Variants in VEGFD observed in about 807,000 individuals in gnomAD.
VEGFD encodes c-fos induced growth factor (vascular endothelial growth factor D).
In VEGFD, 26 loss-of-function variants were observed where a neutral mutation model predicts 28.0. That is an observed-to-expected ratio of 0.93 (90% confidence interval 0.68 to 1.29). The LOEUF is 1.29. Ranked by LOEUF, VEGFD falls within the 50% of genes most tolerant of loss-of-function variation. The pLI, the probability that VEGFD is intolerant of heterozygous loss-of-function variation, is 0.00. For missense variants in VEGFD, 294 were observed against 273.4 expected, an observed-to-expected ratio of 1.08 and a Z score of -0.53; for synonymous variants, 93 against 95.5, an observed-to-expected ratio of 0.97 and a Z score of 0.15.
intron 5 of VEGFD, among the ~76,000 whole-genome samples, chrX:15,351,963 A>C (rs1208318660): frequency 1.8e-5 from 2 of 112,395 alleles, no homozygotes; most frequent in Non-Finnish European, 3.8e-5. Context: ...TCAGTATAAC[A>C]ACAGGAGTGT....
At chrX:15,376,618 C>T (rs1923444563) in intron 1 of VEGFD, among the ~76,000 whole-genome samples, 1 of 111,738 alleles carries the variant, frequency 8.9e-6, no homozygotes. Context: ...TACCCTCTTT[C>T]ACATTTCTTC....
chrX:15,350,802 TTTC>T (rs1277624633), intron 5 of VEGFD, among the ~76,000 whole-genome samples: 2 of 65,422 alleles, frequency 3.1e-5, no homozygotes, highest in African/African-American at 5.7e-5. Flanking sequence ...TTTTCTTTTC[TTTC>T]TTTCTTTCTC....
Position 15,358,163 on chromosome X carries a change from C to T in VEGFD, c.332G>A (p.Cys111Tyr). ...VIDEEWQRTQCSPRETCVEVA... is the reference protein window; with the variant it reads ...VIDEEWQRTQYSPRETCVEVA... ...CTCCACGCACGTTTCTCTAGGGCTG[C>T]ACTGAGTTCTTTGCCATTCTTCATC... Residue 111 changes from cysteine to tyrosine, a missense_variant, in exon 3 of 7, where the codon TGC (cysteine) becomes TAC (tyrosine). Cys to Tyr is a radical substitution (Grantham distance 194, BLOSUM62 -2). Coordinates refer to ENST00000297904, the MANE Select transcript of VEGFD (RefSeq NM_004469.5). The T allele has an allele frequency of 3.3e-6, 4 of 1,208,537 alleles. No individual in the cohort carries two copies. Among genetic ancestry groups the T allele is most frequent in the Non-Finnish European group, 4.5e-6 (4 of 894,390 alleles).
chrX:15,346,046 TAACAC>T lies in VEGFD; in HGVS notation c.*82_*86del. On this transcript the variant is annotated 3_prime_UTR_variant, in exon 7 of 7. Coordinates refer to ENST00000297904, the MANE Select transcript of VEGFD (RefSeq NM_004469.5). ...TGCTGTGTAAAATGGATTTTTTTTT[TAACAC>T]CTGGGAAAAAAACAGTGACAGCAAC... The T allele has an allele frequency of 1.8e-6, 2 of 1,088,253 alleles. No homozygotes were observed. The highest frequency in any genetic ancestry group is 5.4e-5 in the Admixed American group (2 of 36,836). 89.7% of individuals were successfully genotyped at this position (1,088,253 alleles called of 1,213,427 possible).
chrX:15,382,896 T>A (rs747246072), intron 1 of VEGFD, among the ~76,000 whole-genome samples: 14 of 111,736 alleles, frequency 1.3e-4, no homozygotes, highest in Non-Finnish European at 2.1e-4. Context: ...TTTGAATGTA[T>A]AACGTATTTT....
chrX:15,350,550 A>G (rs890649359), intron 5 of VEGFD, among the ~76,000 whole-genome samples: 2 of 112,280 alleles, frequency 1.8e-5, no homozygotes, highest in African/African-American at 6.5e-5. Flanking sequence ...GATGCCTCTT[A>G]GCAACTGCGC....
rs35997805 is a variant in VEGFD at position 15,351,027 on chromosome X, A to ATTTTTTTTTTT, written c.742+2030_742+2040dup. Among the ~76,000 whole-genome samples the ATTTTTTTTTTT allele has an allele frequency of 2.0e-4, 3 of 14,756 alleles. 1 individual carries two copies. Among genetic ancestry groups the ATTTTTTTTTTT allele is most frequent in the African/African-American group, 5.6e-4 (3 of 5,357 alleles). 12.8% of individuals were successfully genotyped at this position (14,756 alleles called of 115,157 possible). On this transcript the variant is annotated intron_variant, in intron 5 of 6. Transcript: ENST00000297904. The stretch of plus-strand genomic sequence containing the variant: ...CAGGCGCACATCACCATGCCCAGCT[A>ATTTTTTTTTTT]TTTTTTTTTTTTTTTTTTTTTTTTT...
At chrX:15,349,162 A>G (rs1307776317) in intron 5 of VEGFD, among the ~76,000 whole-genome samples, 2 of 112,665 alleles carry the variant, frequency 1.8e-5, no homozygotes, top group Admixed American at 9.4e-5. Flanking sequence ...GCTTTGGGGT[A>G]AGACAAGAGT....
chrX:15,380,601 T>C lies in VEGFD; in HGVS notation c.90+3256A>G, dbSNP rs1923546753. Among the ~76,000 whole-genome samples the C allele has an allele frequency of 2.7e-5, 3 of 113,055 alleles. No homozygotes were observed. In the Admixed American group the frequency reaches 2.8e-4, roughly 11 times the overall value. ...ATGGCCTGGTATTCCTTTGTTGCAATAGTGACATGTCTTCATTAGTGACAT... is the reference window on the plus strand; with the variant it reads ...ATGGCCTGGTATTCCTTTGTTGCAACAGTGACATGTCTTCATTAGTGACAT... On this transcript the variant is annotated intron_variant, in intron 1 of 6. Coordinates refer to ENST00000297904, the MANE Select transcript of VEGFD (RefSeq NM_004469.5).
chrX:15,364,455 TATATAAATA>T (rs1923097099), intron 1 of VEGFD, among the ~76,000 whole-genome samples: 1 of 111,946 alleles, frequency 8.9e-6, no homozygotes, highest in Non-Finnish European at 1.9e-5. Context: ...GGGGCTTAGT[TATATAAATA>T]ATGATATATG....
At chrX:15,347,812 A>C (rs992698505) in intron 5 of VEGFD, among the ~76,000 whole-genome samples, 1 of 111,853 alleles carries the variant, frequency 8.9e-6, no homozygotes, top group Non-Finnish European at 1.9e-5. Flanking sequence ...TAGCAATAGC[A>C]ATGCATGTCC....
rs190554438 is a variant in VEGFD, at chrX:15,355,119, C to T, written c.641+31G>A. On this transcript the variant is annotated intron_variant, in intron 4 of 6. Transcript: ENST00000297904. ...TTGGCAAGGCAAAAATAAGCATAAT[C>T]CAGTATAAAAAAAAAAACAAAAGTG... The T allele has an allele frequency of 2.9e-4, 328 of 1,131,599 alleles. No homozygotes were observed. The African/African-American group carries it at 5.0e-3, about 17-fold the overall frequency. 93.3% of individuals were successfully genotyped at this position (1,131,599 alleles called of 1,213,427 possible). A position where few individuals can be genotyped will look rare whatever the true frequency, so the allele number is the denominator to read the frequency against.
In VEGFD at chrX:15,347,390, T is replaced by G. The variant is rs1351844649; in HGVS notation, c.743-31A>C. ...GAGAAACAGAAACGTGTTGGTCAGATAGTTGTAGTGTGGCAATTGGATCAC... is the reference window on the plus strand; with the variant it reads ...GAGAAACAGAAACGTGTTGGTCAGAGAGTTGTAGTGTGGCAATTGGATCAC... On this transcript the variant is annotated intron_variant, in intron 5 of 6. Transcript: ENST00000297904. 13 of 1,119,086 alleles carry G rather than the reference T, an allele frequency of 1.2e-5. No individual in the cohort carries two copies. In the African/African-American group the frequency reaches 2.2e-4, roughly 19 times the overall value. 92.2% of individuals were successfully genotyped at this position (1,119,086 alleles called of 1,213,427 possible).
intron 3 of VEGFD, among the ~76,000 whole-genome samples, chrX:15,357,149 T>C (rs2052604821): frequency 8.9e-6 from 1 of 112,356 alleles, no homozygotes; most frequent in Admixed American, 9.4e-5. Flanking sequence ...ATTAAAAACA[T>C]GGTAACCAGA....
Position 15,355,291 on chromosome X carries a change from T to C in VEGFD, c.500A>G (p.Glu167Gly), listed in dbSNP as rs1922838848. The change falls in exon 4 of 7, where the codon GAG (glutamate) becomes GGG (glycine). Residue 167 changes from glutamate (E) to glycine (G), a missense_variant. Glu to Gly is a moderately conservative substitution (Grantham distance 98, BLOSUM62 -2). Transcript: ENST00000297904. Reference sequence around the variant, plus strand: ...TACTGATGTCAAAGGCACTGATATCTCAAAGAGCTACAGCAGAGAAAGATA... The same window carrying C: ...TACTGATGTCAAAGGCACTGATATCCCAAAGAGCTACAGCAGAGAAAGATA... The part of the protein sequence containing the change: ...STSYISKQLF[E>G]ISVPLTSVPE... 8.4e-7 allele frequency: 1 copy of C among 1,185,445 alleles called. No individual in the cohort carries two copies. The highest frequency in any genetic ancestry group is 1.8e-5 in the African/African-American group (1 of 56,236).
chrX:15,350,755 TTTTTCTTTC>T (rs1380652679), intron 5 of VEGFD, among the ~76,000 whole-genome samples: 2 of 104,959 alleles, frequency 1.9e-5, no homozygotes, highest in Non-Finnish European at 3.9e-5. Flanking sequence ...CCTTCCTTTC[TTTTTCTTTC>T]TTTTCTTTCT....
At chrX:15,352,571 A>G (rs1458908953) in intron 5 of VEGFD, among the ~76,000 whole-genome samples, 1 of 112,053 alleles carries the variant, frequency 8.9e-6, no homozygotes, top group African/African-American at 3.2e-5. Flanking sequence ...GTGTTTTCAT[A>G]TGATGCAGCT....
chrX:15,355,422 A>T, intron 3 of VEGFD, 124 bp from the exon 4 acceptor site: 2 of 495,310 alleles, frequency 4.0e-6, no homozygotes, highest in Non-Finnish European at 6.1e-6. Flanking sequence ...TTGTCCATTA[A>T]GAATGGAACT....
chrX:15,365,880 T>A (rs1923133063), intron 1 of VEGFD, among the ~76,000 whole-genome samples: 1 of 112,101 alleles, frequency 8.9e-6, no homozygotes, highest in Non-Finnish European at 1.9e-5. Context: ...TTGTTGTGAG[T>A]CTAGAGTTTA....
Sources: gnomAD v4.1 joint callset for allele counts (sites outside exome capture counted in the v4.1 genomes callset) on GRCh38, gnomAD v4.1.1 for gene constraint, MANE v1.5 for transcripts, NCBI Gene and HGNC (gene_info 2026-07-23, HGNC 2026-07-21) for gene names.